Variants in OCA2 observed in about 807,000 individuals in gnomAD.
The protein encoded by OCA2 is OCA2 melanosomal transmembrane protein.
OCA2 carries 77 observed loss-of-function variants against 100.2 expected under a neutral mutation model. The observed-to-expected ratio is 0.77, with a 90% confidence interval of 0.64 to 0.93. OCA2 has a LOEUF of 0.93. Ranked by LOEUF, OCA2 falls within the 40% of genes least tolerant of loss-of-function variation. The pLI is 0.00. For missense variants in OCA2, 1,062 were observed against 1,089.1 expected (o/e 0.98, Z 0.35); for synonymous variants, 432 against 439.2 (o/e 0.98, Z 0.21).
intron 1 of OCA2, among the ~76,000 whole-genome samples, chr15:28,096,050 AGC>A (rs1462597694): frequency 1.2e-4 from 18 of 151,920 alleles, no homozygotes; most frequent in Non-Finnish European, 2.6e-4. Context: ...TGTCTCTCGG[AGC>A]ACGGCCCTTC....
chr15:28,075,722 A>G (rs2044407601), intron 2 of OCA2, among the ~76,000 whole-genome samples: 1 of 152,274 alleles, frequency 6.6e-6, no homozygotes, highest in South Asian at 2.1e-4. Context: ...ATGTCCACAC[A>G]ACTCCACTCA....
intron 14 of OCA2, among the ~76,000 whole-genome samples, chr15:27,981,794 CTG>C (rs1215521435): frequency 1.3e-5 from 2 of 152,194 alleles, no homozygotes; most frequent in Non-Finnish European, 2.9e-5. Context: ...CTGAGGATCT[CTG>C]TGGTTCAGCT....
chr15:27,907,608 T>C (rs1001647129), intron 19 of OCA2, among the ~76,000 whole-genome samples: 1 of 151,808 alleles, frequency 6.6e-6, no homozygotes, highest in Non-Finnish European at 1.5e-5. Flanking sequence ...CAAACCACAA[T>C]CTAACTTGAT....
rs1277285647 is a variant in OCA2, at chr15:27,786,125, C to G, written c.2433-30653G>C. Among the ~76,000 whole-genome samples, 3 of 152,172 alleles carry G rather than the reference C, an allele frequency of 2.0e-5. No individual in the cohort carries two copies. In the East Asian group the frequency reaches 5.8e-4, roughly 29 times the overall value. Reference sequence around the variant, plus strand: ...CAGCACCGTTTGTTTAAATGACTATCCTTTTCCAATTGAATTACCTTTGTA... The same window carrying G: ...CAGCACCGTTTGTTTAAATGACTATGCTTTTCCAATTGAATTACCTTTGTA... On this transcript the variant is annotated intron_variant, in intron 23 of 23. Transcript: ENST00000354638.
intron 2 of OCA2, among the ~76,000 whole-genome samples, chr15:28,032,591 C>G (rs917558942): frequency 8.6e-5 from 13 of 151,462 alleles, no homozygotes; most frequent in African/African-American, 3.2e-4. Context: ...CAAGACCAGC[C>G]TGGCCAACGT....
chr15:27,887,888 T>TG, intron 19 of OCA2, among the ~76,000 whole-genome samples: 1 of 151,108 alleles, frequency 6.6e-6, no homozygotes, highest in Non-Finnish European at 1.5e-5. Context: ...AAGGTAACCA[T>TG]GGGGGGCACC....
intron 14 of OCA2, among the ~76,000 whole-genome samples, chr15:27,970,479 A>C (rs1294962270): frequency 6.6e-6 from 1 of 152,088 alleles, no homozygotes; most frequent in Admixed American, 6.5e-5. Flanking sequence ...CCCAGCAGGC[A>C]CGGCATGGTG....
intron 2 of OCA2, among the ~76,000 whole-genome samples, chr15:28,053,011 G>A (rs559564007): frequency 9.9e-5 from 15 of 152,202 alleles, no homozygotes; most frequent in Non-Finnish European, 1.8e-4. Context: ...GGAATCTGAG[G>A]TGGGTCTTCA....
rs141949212 is a variant in OCA2 at position 27,845,052 on chromosome 15, C to T, written c.2339G>A (p.Gly780Asp). 3.2e-5 allele frequency: 51 copies of T among 1,612,808 alleles called. No homozygotes were observed. The African/African-American group carries it at 5.9e-4, about 19-fold the overall frequency. ...YALAFGACLG[G>D]NGTLIGASAN... ...CGACGCGCCAATCAGTGTCCCGTTA[C>T]CTAAAGTCAAAATTTAAAAACAAAA... The change falls in exon 23 of 24, where the codon GGT (glycine) becomes GAT (aspartate). Residue 780 changes from glycine (G) to aspartate (D), a missense_variant and splice_region_variant. By Grantham distance (94) the Gly-to-Asp change is moderately conservative. Transcript: ENST00000354638.
chr15:28,091,803 GA>G (rs35795965), intron 1 of OCA2, among the ~76,000 whole-genome samples: 11,072 of 152,068 alleles, frequency 0.073, 689 homozygotes, highest in African/African-American at 0.17. Context: ...TAAAAATACA[GA>G]AATTAGCCAG....
Position 27,955,200 on chromosome 15 carries a change from C to A in OCA2, c.1800G>T (p.Glu600Asp), listed in dbSNP as rs2040179911. The A allele has an allele frequency of 2.5e-6, 4 of 1,611,804 alleles. No individual in the cohort carries two copies. The highest frequency in any genetic ancestry group is 3.4e-6 in the Non-Finnish European group (4 of 1,177,918). Residue 600 changes from glutamate to aspartate, a missense_variant, in exon 17 of 24, where the codon GAG (glutamate) becomes GAT (aspartate). Glu to Asp is a conservative substitution (Grantham distance 45, BLOSUM62 2). Transcript: ENST00000354638. ...LHTFHRQISQ[E>D]DKNWETNIQE... ...GGATATTGGTCTCCCAATTTTTGTC[C>A]TCCTGTGAGATCTGTCTAAAAGAGA... is the stretch of plus-strand genomic sequence containing the variant.
chr15:27,729,993 G>A, the OCA2 span, among the ~76,000 whole-genome samples: 2 of 152,174 alleles, frequency 1.3e-5, no homozygotes, highest in Non-Finnish European at 2.9e-5. Context: ...ACAACTAGGT[G>A]TCCAACAATT....
intron 23 of OCA2, among the ~76,000 whole-genome samples, chr15:27,761,468 A>G (rs964503124): frequency 4.0e-5 from 6 of 151,892 alleles, no homozygotes; most frequent in Admixed American, 1.3e-4. Context: ...ATTAAAAAAA[A>G]AAAAACCCAA....
chr15:27,966,210 G>A (rs1345067608), intron 15 of OCA2, among the ~76,000 whole-genome samples: 1 of 152,164 alleles, frequency 6.6e-6, no homozygotes, highest in Admixed American at 6.5e-5. Flanking sequence ...ACCTGATTCA[G>A]GTGATCCGCC....
At chr15:28,051,595 CT>C (rs11292828) in intron 2 of OCA2, among the ~76,000 whole-genome samples, 8,051 of 82,142 alleles carry the variant, frequency 0.098, 1,037 homozygotes, top group East Asian at 0.45. Context: ...CCTGGCCTTC[CT>C]TTTTTTTTTT....
At chr15:28,045,020 A>G (rs2043308231) in intron 2 of OCA2, among the ~76,000 whole-genome samples, 1 of 152,198 alleles carries the variant, frequency 6.6e-6, no homozygotes, top group Non-Finnish European at 1.5e-5. Context: ...TCGAGATAAT[A>G]AGTCCATTCA....
At chr15:27,879,566 C>G (rs2036929605) in intron 19 of OCA2, among the ~76,000 whole-genome samples, 1 of 151,946 alleles carries the variant, frequency 6.6e-6, no homozygotes, top group Non-Finnish European at 1.5e-5. Flanking sequence ...TGTGTGATCT[C>G]ATTGTGGTTT....
At chr15:27,964,177 TA>T (rs1161864138) in intron 15 of OCA2, among the ~76,000 whole-genome samples, 7 of 152,248 alleles carry the variant, frequency 4.6e-5, no homozygotes, top group African/African-American at 1.7e-4. Context: ...AAAAAAGTAA[TA>T]GCAATTCTAC....
At chr15:28,004,911 G>A (rs996135690) in intron 9 of OCA2, among the ~76,000 whole-genome samples, 1 of 152,102 alleles carries the variant, frequency 6.6e-6, no homozygotes, top group South Asian at 2.1e-4. Flanking sequence ...ACGGCAGCCC[G>A]ATCTTTTGAT....
Sources: allele counts gnomAD v4.1 joint callset (sites outside exome capture counted in the v4.1 genomes callset), GRCh38; gene constraint gnomAD v4.1.1; transcripts MANE v1.5; gene names NCBI Gene and HGNC (gene_info 2026-07-23, HGNC 2026-07-21).